STEAP1B: variants seen among roughly 807,000 people sequenced by gnomAD.
The protein encoded by STEAP1B is STEAP family member 1B.
A neutral mutation model predicts 27.9 loss-of-function variants in STEAP1B; 13 were observed. The observed-to-expected ratio is 0.47, with a 90% CI of 0.30 to 0.74. The LOEUF is 0.74. Ranked by LOEUF, STEAP1B falls within the 30% of genes least tolerant of loss-of-function variation. STEAP1B has a pLI of 0.06. For missense variants in STEAP1B, 250 were observed against 298.7 expected (o/e 0.84, Z 1.20); for synonymous variants, 86 against 107.1 (o/e 0.80, Z 1.22).
chr7:22,497,524 TTC>T (rs1786462702), intron 1 of STEAP1B, among the ~76,000 whole-genome samples: 3 of 152,128 alleles, frequency 2.0e-5, no homozygotes, highest in Admixed American at 2.0e-4. Flanking sequence ...TGTAAAAGAA[TTC>T]TGAGTAAAGC....
chr7:22,461,050 G>A (rs1277113773), intron 4 of STEAP1B, among the ~76,000 whole-genome samples: 1 of 152,160 alleles, frequency 6.6e-6, no homozygotes, highest in African/African-American at 2.4e-5. Context: ...GCTTTCCTGG[G>A]TGTGTCAGCT....
intron 4 of STEAP1B, among the ~76,000 whole-genome samples, chr7:22,446,739 G>C (rs1233473536): frequency 6.6e-6 from 1 of 152,142 alleles, no homozygotes; most frequent in African/African-American, 2.4e-5. Flanking sequence ...TGTGGGTTTT[G>C]TTTCAGGTAA....
chr7:22,485,119 A>G (rs1786179724), intron 4 of STEAP1B, among the ~76,000 whole-genome samples: 1 of 152,260 alleles, frequency 6.6e-6, no homozygotes, highest in African/African-American at 2.4e-5. Context: ...TAGCTGATGA[A>G]GCAGTAGCAG....
At chr7:22,440,762 T>C (rs1164820637) in intron 4 of STEAP1B, among the ~76,000 whole-genome samples, 1 of 151,932 alleles carries the variant, frequency 6.6e-6, no homozygotes, top group Non-Finnish European at 1.5e-5. Flanking sequence ...AATAGAAAAA[T>C]TAAAAGCAAA....
intron 4 of STEAP1B, among the ~76,000 whole-genome samples, chr7:22,432,550 G>A (rs1785201528): frequency 6.6e-6 from 1 of 152,060 alleles, no homozygotes; most frequent in African/African-American, 2.4e-5. Context: ...ACTCCAGCCT[G>A]GGCAACAGAG....
intron 4 of STEAP1B, among the ~76,000 whole-genome samples, chr7:22,484,167 G>T (rs1786134445): frequency 6.6e-6 from 1 of 152,184 alleles, no homozygotes; most frequent in African/African-American, 2.4e-5. Flanking sequence ...ATTGAAGCAG[G>T]TGGCTACACT....
At chr7:22,490,040 T>A (rs1256373401) in intron 4 of STEAP1B, among the ~76,000 whole-genome samples, 2 of 152,362 alleles carry the variant, frequency 1.3e-5, no homozygotes, top group East Asian at 3.9e-4. Flanking sequence ...TGAGCTTTAT[T>A]AATTCCATTC....
intron 1 of STEAP1B, among the ~76,000 whole-genome samples, chr7:22,499,245 T>C (rs10485991): frequency 0.3 from 45,943 of 152,108 alleles, 7,115 homozygotes; most frequent in Middle Eastern, 0.42. Context: ...AACTGACTCA[T>C]GTTTATGTCC....
intron 4 of STEAP1B, among the ~76,000 whole-genome samples, chr7:22,437,035 A>G (rs1785263964): frequency 6.6e-6 from 1 of 152,256 alleles, no homozygotes; most frequent in South Asian, 2.1e-4. Context: ...TCTGCACAGC[A>G]AAGGAAACTA....
At chr7:22,471,548 G>A (rs570163685) in intron 4 of STEAP1B, among the ~76,000 whole-genome samples, 24 of 152,222 alleles carry the variant, frequency 1.6e-4, no homozygotes, top group African/African-American at 5.8e-4. Context: ...TACTGTACGA[G>A]AAATAGACTG....
rs1440665859 is a variant in STEAP1B at position 22,491,688 on chromosome 7, T to G, written c.762+877A>C. Among the ~76,000 whole-genome samples the G allele has an allele frequency of 2.0e-5, 3 of 152,086 alleles. No homozygotes were observed. The East Asian group carries it at 5.8e-4, about 29-fold the overall frequency. ...GAGTAAATTGACTTTTTTGGGGAGG[T>G]ATAAAATTGTTGATTAGACCAGAAG... On this transcript the variant is annotated intron_variant, in intron 4 of 4. Transcript: ENST00000678116.
chr7:22,470,641 C>T (rs909540150), intron 4 of STEAP1B, among the ~76,000 whole-genome samples: 1 of 152,168 alleles, frequency 6.6e-6, no homozygotes, highest in African/African-American at 2.4e-5. Context: ...TGGTGCATGC[C>T]TGTAGTCCCA....
intron 4 of STEAP1B, among the ~76,000 whole-genome samples, chr7:22,478,501 A>G (rs1786012078): frequency 6.6e-6 from 1 of 152,180 alleles, no homozygotes; most frequent in Admixed American, 6.5e-5. Flanking sequence ...GTAGTCTCTC[A>G]AGTTCTCTCA....
At chr7:22,479,679 CTTTTT>C (rs569050091) in intron 4 of STEAP1B, among the ~76,000 whole-genome samples, 1 of 92,114 alleles carries the variant, frequency 1.1e-5, no homozygotes, top group Admixed American at 1.4e-4. Context: ...TCATGTGTGG[CTTTTT>C]TTTTTTTTTT....
At chr7:22,446,565 A>G (rs979951573) in intron 4 of STEAP1B, among the ~76,000 whole-genome samples, 4 of 152,248 alleles carry the variant, frequency 2.6e-5, no homozygotes, top group African/African-American at 9.6e-5. Context: ...AGTTGTGCAA[A>G]CCCTGGAATA....
chr7:22,428,269 G>A (rs924863461), intron 4 of STEAP1B, among the ~76,000 whole-genome samples: 15 of 152,180 alleles, frequency 9.9e-5, no homozygotes, highest in African/African-American at 3.1e-4. Flanking sequence ...TCAATTACGA[G>A]TGTTATGCCA....
intron 4 of STEAP1B, among the ~76,000 whole-genome samples, chr7:22,465,938 C>T (rs969748565): frequency 6.6e-6 from 1 of 152,132 alleles, no homozygotes; most frequent in East Asian, 1.9e-4. Context: ...CTCGATCTCC[C>T]GCATGGCTCA....
At chr7:22,459,643 G>C (rs1476942979) in intron 4 of STEAP1B, among the ~76,000 whole-genome samples, 1 of 152,142 alleles carries the variant, frequency 6.6e-6, no homozygotes, top group African/African-American at 2.4e-5. Flanking sequence ...CTGGCACAAA[G>C]AAAGTGAGCC....
intron 1 of STEAP1B, among the ~76,000 whole-genome samples, chr7:22,497,497 G>C (rs1002085960): frequency 6.6e-6 from 1 of 151,882 alleles, no homozygotes; most frequent in African/African-American, 2.4e-5. Flanking sequence ...GTGTGATTTG[G>C]GTGTTCACCA....
Sources: allele counts gnomAD v4.1 joint callset (sites outside exome capture counted in the v4.1 genomes callset), GRCh38; gene constraint gnomAD v4.1.1; transcripts MANE v1.5; gene names NCBI Gene and HGNC (gene_info 2026-07-23, HGNC 2026-07-21).